The following JAKMIP1 variants were observed in gnomAD, a reference collection of about 807,000 sequenced individuals.
JAKMIP1 encodes the protein janus kinase and microtubule interacting protein 1, also known as janus kinase and microtubule-interacting protein 1.
JAKMIP1 carries 33 observed loss-of-function variants against 113.0 expected under a neutral mutation model. The ratio of observed to expected loss-of-function variants is 0.29; its 90% CI spans 0.22 to 0.39. The LOEUF (loss-of-function observed/expected upper bound fraction) is 0.39, where lower values mean the gene tolerates loss of function less well. Ranked by LOEUF, JAKMIP1 falls within the 10% of genes least tolerant of loss-of-function variation. JAKMIP1 has a pLI of 1.00. For missense variants in JAKMIP1, 813 were observed against 1,080.5 expected (o/e 0.75, Z 3.47); for synonymous variants, 480 against 459.9 (o/e 1.04, Z -0.56).
At chr4:6,105,435 G>A in intron 3 of JAKMIP1, 38 bp downstream of exon 3, 21 of 1,536,544 alleles carry the variant, frequency 1.4e-5, no homozygotes, top group Non-Finnish European at 1.8e-5. Context: ...GGGAGGGAAG[G>A]CCGCGTGCCC....
rs571748093 is a variant in JAKMIP1 at position 6,105,695 on chromosome 4, G to A, written c.402C>T (p.Thr134=). Residue 134 remains threonine (T), a synonymous_variant, in exon 3 of 21, where the codon ACC becomes ACT. Coordinates refer to ENST00000409021, the MANE Select transcript of JAKMIP1 (RefSeq NM_001099433.2). ...CCCTGCGCGCCTCCTCGCGCGCCTC[G>A]GTCAGCAGCGCCGTCTTGACCTTGT... ...AADKVKTALL[T]EAREEARRAF... The A allele has an allele frequency of 1.4e-5, 23 of 1,603,282 alleles. No homozygotes were observed. The highest frequency in any genetic ancestry group is 1.9e-5 in the Non-Finnish European group (22 of 1,177,894).
chr4:6,070,432 G>C (rs574886378), intron 8 of JAKMIP1, among the ~76,000 whole-genome samples: 1 of 152,384 alleles, frequency 6.6e-6, no homozygotes, highest in African/African-American at 2.4e-5. Flanking sequence ...CCAGATGCTG[G>C]CCACGCCAAC....
chr4:6,062,277 C>T, intron 10 of JAKMIP1, 35 bp downstream of exon 10: 2 of 1,610,586 alleles, frequency 1.2e-6, no homozygotes, highest in Non-Finnish European at 1.7e-6. Flanking sequence ...TGGCCTTCGG[C>T]CCCTCCCTCG....
At chr4:6,127,120 C>T (rs1057224513) in intron 1 of JAKMIP1, among the ~76,000 whole-genome samples, 3 of 152,168 alleles carry the variant, frequency 2.0e-5, no homozygotes, top group Admixed American at 6.5e-5. Flanking sequence ...GGCCAAGGGA[C>T]GTCATTCTCT....
At chr4:6,117,358 C>A (rs955651310) in intron 1 of JAKMIP1, among the ~76,000 whole-genome samples, 6 of 152,078 alleles carry the variant, frequency 3.9e-5, no homozygotes, top group Admixed American at 1.3e-4. Context: ...ATCCGTGATG[C>A]CCCACAAGCC....
At chr4:6,034,577 G>A (rs946273748) in intron 19 of JAKMIP1, among the ~76,000 whole-genome samples, 8 of 152,180 alleles carry the variant, frequency 5.3e-5, no homozygotes, top group Non-Finnish European at 4.4e-5. Context: ...CTAGGTGGGT[G>A]GATCACTTGA....
chr4:6,113,070 T>C lies in JAKMIP1; in HGVS notation c.-147-73A>G, dbSNP rs993010771. ...GCTGGTGTCCCTGCCTCGGGCACCC[T>C]GGGCCAGGCACCTGCCTCATCTGGA... On this transcript the variant is annotated intron_variant, in intron 1 of 20. Coordinates refer to ENST00000409021, the MANE Select transcript of JAKMIP1 (RefSeq NM_001099433.2). 12 of 645,990 alleles carry C rather than the reference T, an allele frequency of 1.9e-5. No individual in the cohort carries two copies. In the Admixed American group the frequency reaches 2.9e-4, roughly 16 times the overall value. The allele number at this position is 645,990 out of a possible 1,614,324, so 40.0% of individuals were successfully genotyped here. A position where few individuals can be genotyped will look rare whatever the true frequency, so the allele number is the denominator to read the frequency against.
Position 6,140,599 on chromosome 4 carries a change from C to G in JAKMIP1, c.-147-27602G>C, listed in dbSNP as rs977485483. Reference sequence around the variant, plus strand: ...GGTTCACAGCGTAAGGACCTCTGTCCCCACTGCTCCTGGAGGGGTGGAGAA... The same window carrying G: ...GGTTCACAGCGTAAGGACCTCTGTCGCCACTGCTCCTGGAGGGGTGGAGAA... On this transcript the variant is annotated intron_variant, in intron 1 of 20. Coordinates refer to ENST00000409021, the MANE Select transcript of JAKMIP1 (RefSeq NM_001099433.2). The surrounding 1 kb of genome is among the most constrained non-coding windows in gnomAD (Gnocchi z 9.4). Among the ~76,000 whole-genome samples the G allele has an allele frequency of 2.6e-5, 4 of 152,054 alleles. No homozygotes were observed. Among genetic ancestry groups the G allele is most frequent in the African/African-American group, 9.7e-5 (4 of 41,350 alleles).
chr4:6,044,519 G>A lies in JAKMIP1; in HGVS notation c.2029-2292C>T, dbSNP rs958699940. 6.6e-6 allele frequency among the ~76,000 whole-genome samples: 1 copy of A among 152,180 alleles called. No homozygotes were observed. Among genetic ancestry groups the A allele is most frequent in the African/African-American group, 2.4e-5 (1 of 41,450 alleles). On this transcript the variant is annotated intron_variant, in intron 16 of 20. Transcript: ENST00000409021. The surrounding 1 kb of genome is among the most constrained non-coding windows in gnomAD (Gnocchi z 4.4). Reference sequence around the variant, plus strand: ...GGTGGCCAGCACTTCCTCAAACAAGGCTCAGACAAGATGCGTGGTTTCTTA... The same window carrying A: ...GGTGGCCAGCACTTCCTCAAACAAGACTCAGACAAGATGCGTGGTTTCTTA...
intron 1 of JAKMIP1, among the ~76,000 whole-genome samples, chr4:6,171,665 A>T (rs28380276): frequency 2.0e-5 from 3 of 151,960 alleles, no homozygotes; most frequent in Non-Finnish European, 4.4e-5. Context: ...GGGAAGACAG[A>T]GTCTTCACAT....
Position 6,168,192 on chromosome 4 carries a change from G to A in JAKMIP1, c.-148+32061C>T, listed in dbSNP as rs759506280. ...GGACCCTTTATGCATTGCTGGTGGGGTCATGAAATGATGCAGCCACTTTGG... is the reference window on the plus strand; with the variant it reads ...GGACCCTTTATGCATTGCTGGTGGGATCATGAAATGATGCAGCCACTTTGG... On this transcript the variant is annotated intron_variant, in intron 1 of 20. Transcript: ENST00000409021. The surrounding 1 kb of genome is among the most constrained non-coding windows in gnomAD (Gnocchi z 4.6). Among the ~76,000 whole-genome samples the A allele has an allele frequency of 6.6e-6, 1 of 152,206 alleles. No homozygotes were observed. The highest frequency in any genetic ancestry group is 1.5e-5 in the Non-Finnish European group (1 of 68,044).
chr4:6,057,703 C>T (rs1716675643), intron 11 of JAKMIP1, among the ~76,000 whole-genome samples: 1 of 152,236 alleles, frequency 6.6e-6, no homozygotes, highest in African/African-American at 2.4e-5. Context: ...ACCCCCTCTG[C>T]CATGTGACTT....
chr4:6,105,536 G>A lies in JAKMIP1; in HGVS notation c.561C>T (p.Tyr187=), dbSNP rs1462281576. The A allele has an allele frequency of 4.4e-6, 7 of 1,607,672 alleles. No individual in the cohort carries two copies. The highest frequency in any genetic ancestry group is 4.0e-5 in the African/African-American group (3 of 74,900). The stretch of plus-strand genomic sequence containing the variant: ...GGTGCACCTCGTCTTGGTGCGCCTG[G>A]TAGGCGGCACGCAGGTCGGCTGCCT... The part of the protein sequence containing the change: ...KTKAADLRAA[Y]QAHQDEVHRI... The change falls in exon 3 of 21, where the codon TAC becomes TAT. Residue 187 remains tyrosine (Y), a synonymous_variant. Coordinates refer to ENST00000409021, the MANE Select transcript of JAKMIP1 (RefSeq NM_001099433.2).
At chr4:6,119,082 A>AG (rs920191174) in intron 1 of JAKMIP1, among the ~76,000 whole-genome samples, 2 of 152,162 alleles carry the variant, frequency 1.3e-5, no homozygotes, top group African/African-American at 4.8e-5. Flanking sequence ...CCAAAGCTGG[A>AG]GCGGGGAAGG....
At chr4:6,035,587 G>A (rs1332494473) in intron 19 of JAKMIP1, among the ~76,000 whole-genome samples, 3 of 152,138 alleles carry the variant, frequency 2.0e-5, no homozygotes, top group Non-Finnish European at 4.4e-5. Flanking sequence ...ACCATTCAGC[G>A]GATGCCTCCC....
rs573990120 is a variant in JAKMIP1, at chr4:6,141,151, C to G, written c.-147-28154G>C. On this transcript the variant is annotated intron_variant, in intron 1 of 20. Transcript: ENST00000409021. The surrounding 1 kb of genome is among the most constrained non-coding windows in gnomAD (Gnocchi z 9.4). The stretch of plus-strand genomic sequence containing the variant: ...AGCTACCAACATTTAAAGTGGTAGA[C>G]GAGGCCGGGCGCAGTGGCTCATGCC... Among the ~76,000 whole-genome samples the G allele has an allele frequency of 6.6e-6, 1 of 152,144 alleles. No individual in the cohort carries two copies. The highest frequency in any genetic ancestry group is 1.5e-5 in the Non-Finnish European group (1 of 68,028).
intron 3 of JAKMIP1, 35 bp from the exon 4 acceptor site, chr4:6,085,664 G>A: frequency 6.3e-7 from 1 of 1,597,280 alleles, no homozygotes. Flanking sequence ...TCAGCCCTAG[G>A]GGCTCATGAC....
At chr4:6,054,665 A>G in intron 12 of JAKMIP1, 1 of 450,968 alleles carries the variant, frequency 2.2e-6, no homozygotes, top group South Asian at 1.6e-5. Flanking sequence ...GAGAGCGCAG[A>G]TCAGTGTGGG....
In JAKMIP1 at chr4:6,168,409, T is replaced by C. The variant is rs1723924590; in HGVS notation, c.-148+31844A>G. Among the ~76,000 whole-genome samples the C allele has an allele frequency of 1.3e-5, 2 of 152,186 alleles. No individual in the cohort carries two copies. The highest frequency in any genetic ancestry group is 1.5e-5 in the Non-Finnish European group (1 of 68,042). On this transcript the variant is annotated intron_variant, in intron 1 of 20. Coordinates refer to ENST00000409021, the MANE Select transcript of JAKMIP1 (RefSeq NM_001099433.2). This position sits in a 1 kb window ranked among gnomAD's most constrained non-coding sequence, Gnocchi z 4.6. ...AACCCAAATGTGCATCAGTTACAGATGGATAAACAAAATGTGGTCTATGAT... is the reference window on the plus strand; with the variant it reads ...AACCCAAATGTGCATCAGTTACAGACGGATAAACAAAATGTGGTCTATGAT...
Sources: allele counts gnomAD v4.1 joint callset (sites outside exome capture counted in the v4.1 genomes callset), GRCh38; gene constraint gnomAD v4.1.1; non-coding constraint Gnocchi (gnomAD v3.1); transcripts MANE v1.5; gene names NCBI Gene and HGNC (gene_info 2026-07-23, HGNC 2026-07-21).